The following RASA1 variants were observed in gnomAD, a reference collection of about 807,000 sequenced individuals.
RASA1 encodes ras GTPase-activating protein 1.
A neutral mutation model predicts 132.2 loss-of-function variants in RASA1; 25 were observed. The ratio of observed to expected loss-of-function variants is 0.19; its 90% CI spans 0.14 to 0.26. The LOEUF (loss-of-function observed/expected upper bound fraction) is 0.26. Among genes scored for constraint, RASA1 ranks in the 10% least tolerant of loss-of-function variants. RASA1 has a pLI of 1.00. For missense variants in RASA1, 964 were observed against 1,299.2 expected, an observed-to-expected ratio of 0.74 and a Z score of 3.97; for synonymous variants, 477 against 449.9, an observed-to-expected ratio of 1.06 and a Z score of -0.76.
chr5:87,268,654 G>T lies in RASA1; in HGVS notation c.203G>T (p.Gly68Val). ...ACTCTGGGTGGCGGAGCCGCTTTGG[G>T]GTCAGAGTTCCTAGGAGCCGGGTCT... ...AGTLGGGAALGSEFLGAGSVA... is the reference protein window; with the variant it reads ...AGTLGGGAALVSEFLGAGSVA... Residue 68 changes from glycine (G) to valine (V), a missense_variant, in exon 1 of 25, where the codon GGG (glycine) becomes GTG (valine). Physicochemically the swap from Gly to Val is moderately radical, Grantham distance 109. Transcript: ENST00000274376. 6.2e-7 allele frequency: 1 copy of T among 1,611,360 alleles called. No homozygotes were observed. Among genetic ancestry groups the T allele is most frequent in the Non-Finnish European group, 8.5e-7 (1 of 1,179,110 alleles).
chr5:87,279,359 G>A (rs1754211462), intron 1 of RASA1, among the ~76,000 whole-genome samples: 1 of 152,152 alleles, frequency 6.6e-6, no homozygotes, highest in African/African-American at 2.4e-5. Flanking sequence ...TTGCTGAATA[G>A]TAGTCCATGG....
chr5:87,295,271 T>A (rs1258654294), intron 1 of RASA1, among the ~76,000 whole-genome samples: 4 of 152,004 alleles, frequency 2.6e-5, no homozygotes, highest in Admixed American at 2.6e-4. Context: ...AGTAGGATCT[T>A]GTTTTTTGGT....
intron 20 of RASA1, among the ~76,000 whole-genome samples, chr5:87,383,442 A>G (rs1761863839): frequency 6.6e-6 from 1 of 152,168 alleles, no homozygotes. Flanking sequence ...AATACTACAG[A>G]TAAACAACAT....
chr5:87,323,878 C>T (rs959799086), intron 1 of RASA1, among the ~76,000 whole-genome samples: 1 of 152,116 alleles, frequency 6.6e-6, no homozygotes, highest in Non-Finnish European at 1.5e-5. Flanking sequence ...AAGACTGAGA[C>T]AGGTATTTTT....
chr5:87,374,856 A>C lies in RASA1; in HGVS notation c.1951A>C (p.Ile651Leu). ...EFVFDDLPPD[I>L]NRFEITLSNK... ...CTCCTTTAGTGATCTTCCTCCTGAC[A>C]TCAATAGATTTGAAATAACTCTTAG... Residue 651 changes from isoleucine to leucine, a missense_variant, in exon 15 of 25, where the codon ATC (isoleucine) becomes CTC (leucine). Ile to Leu is a conservative substitution (Grantham distance 5, BLOSUM62 2). Transcript: ENST00000274376. 6.2e-7 allele frequency: 1 copy of C among 1,610,022 alleles called. No homozygotes were observed. Among genetic ancestry groups the C allele is most frequent in the Non-Finnish European group, 8.5e-7 (1 of 1,177,894 alleles).
At chr5:87,295,901 C>T (rs951380759) in intron 1 of RASA1, among the ~76,000 whole-genome samples, 1 of 151,996 alleles carries the variant, frequency 6.6e-6, no homozygotes, top group Non-Finnish European at 1.5e-5. Flanking sequence ...ACAGCAACCT[C>T]CACCTTCCAT....
Position 87,376,541 on chromosome 5 carries a change from A to C in RASA1, c.2160A>C (p.Glu720Asp), listed in dbSNP as rs1394592820. The change falls in exon 16 of 25, where the codon GAA becomes GAC. Residue 720 changes from glutamate to aspartate, a missense_variant. Physicochemically the swap from Glu to Asp is conservative, Grantham distance 45. Coordinates refer to ENST00000274376, the MANE Select transcript of RASA1 (RefSeq NM_002890.3). ...ARYSMEKIMP[E>D]EEYSEFKELI... ...ACTCTATGGAAAAAATCATGCCAGA[A>C]GAAGAGTACAGTGAATTTAAAGAGG... 5.6e-6 allele frequency: 9 copies of C among 1,613,924 alleles called. No individual in the cohort carries two copies. The highest frequency in any genetic ancestry group is 6.8e-6 in the Non-Finnish European group (8 of 1,179,936).
chr5:87,321,371 G>C (rs1756789930), intron 1 of RASA1, among the ~76,000 whole-genome samples: 1 of 152,138 alleles, frequency 6.6e-6, no homozygotes, highest in African/African-American at 2.4e-5. Context: ...ATTCATTTCT[G>C]TCACTACCTA....
chr5:87,285,194 A>G (rs951717459), intron 1 of RASA1, among the ~76,000 whole-genome samples: 1 of 151,692 alleles, frequency 6.6e-6, no homozygotes, highest in South Asian at 2.1e-4. Context: ...CAGCTTCCCA[A>G]GTAGCTGGGA....
intron 1 of RASA1, among the ~76,000 whole-genome samples, chr5:87,282,379 AT>A (rs944121591): frequency 6.6e-6 from 1 of 152,216 alleles, no homozygotes; most frequent in Non-Finnish European, 1.5e-5. Flanking sequence ...AAGTTGAAAA[AT>A]TTTGTGCCAC....
intron 1 of RASA1, among the ~76,000 whole-genome samples, chr5:87,330,109 A>T (rs997503677): frequency 6.6e-6 from 1 of 152,148 alleles, no homozygotes; most frequent in African/African-American, 2.4e-5. Context: ...GCTATAAATA[A>T]GTTCATTATT....
At chr5:87,343,125 T>C (rs1465009386) in intron 6 of RASA1, among the ~76,000 whole-genome samples, 1 of 152,170 alleles carries the variant, frequency 6.6e-6, no homozygotes, top group Admixed American at 6.5e-5. Context: ...TTCTTTAAAG[T>C]GTCCTCAGTA....
intron 11 of RASA1, among the ~76,000 whole-genome samples, chr5:87,369,280 A>G (rs1270434594): frequency 1.3e-5 from 2 of 152,212 alleles, no homozygotes; most frequent in East Asian, 1.9e-4. Context: ...TACTAAAGGA[A>G]GACAAGAACA....
chr5:87,374,754 G>C, intron 14 of RASA1, 86 bp from the exon 15 acceptor site: 1 of 1,553,494 alleles, frequency 6.4e-7, no homozygotes, highest in South Asian at 1.2e-5. Context: ...GCAGAAATAG[G>C]GGGTTTATTT....
chr5:87,295,758 C>CA, intron 1 of RASA1, among the ~76,000 whole-genome samples: 1 of 152,068 alleles, frequency 6.6e-6, no homozygotes, highest in East Asian at 1.9e-4. Context: ...GCAATCCACT[C>CA]ACCTTGGCCT....
chr5:87,358,240 A>AC (rs1291485869), intron 9 of RASA1, among the ~76,000 whole-genome samples: 2 of 152,200 alleles, frequency 1.3e-5, no homozygotes, highest in Non-Finnish European at 2.9e-5. Flanking sequence ...CAAGCATTAG[A>AC]CAAAAAGGGT....
At chr5:87,331,306 C>G in intron 1 of RASA1, 42 bp from the exon 2 acceptor site, 1 of 1,548,164 alleles carries the variant, frequency 6.5e-7, no homozygotes, top group South Asian at 1.1e-5. Context: ...AAATTCTGCA[C>G]TTGCTATTTA....
intron 1 of RASA1, among the ~76,000 whole-genome samples, chr5:87,272,846 T>C (rs781057318): frequency 3.9e-5 from 6 of 152,204 alleles, no homozygotes; most frequent in Non-Finnish European, 8.8e-5. Flanking sequence ...CTCTATAAAT[T>C]CCTATTCCTG....
chr5:87,286,916 C>CAT (rs1169150158), intron 1 of RASA1, among the ~76,000 whole-genome samples: 14 of 148,000 alleles, frequency 9.5e-5, no homozygotes, highest in Admixed American at 8.2e-4. Context: ...TAAGGAACAC[C>CAT]ATATATATAC....
Sources: gnomAD v4.1 joint callset for allele counts (sites outside exome capture counted in the v4.1 genomes callset) on GRCh38, gnomAD v4.1.1 for gene constraint, MANE v1.5 for transcripts, NCBI Gene and HGNC (gene_info 2026-07-23, HGNC 2026-07-21) for gene names.